Variants in ZNF595 observed in about 807,000 individuals in gnomAD.
ZNF595 encodes the protein zinc finger protein 595.
Under a neutral mutation model 19.4 loss-of-function variants are expected in ZNF595, and 9 were observed. The ratio of observed to expected loss-of-function variants is 0.46; its 90% CI spans 0.28 to 0.81. The LOEUF (loss-of-function observed/expected upper bound fraction) is 0.81, where lower values mean the gene tolerates loss of function less well. Ranked by LOEUF, ZNF595 falls within the 30% of genes least tolerant of loss-of-function variation. The pLI is 0.11. For missense variants in ZNF595, 729 were observed against 736.0 expected, an observed-to-expected ratio of 0.99 and a Z score of 0.11; for synonymous variants, 255 against 255.9, an observed-to-expected ratio of 1.00 and a Z score of 0.03.
chr4:84,127 T>C (rs1714038195), intron 3 of ZNF595, among the ~76,000 whole-genome samples: 1 of 152,318 alleles, frequency 6.6e-6, no homozygotes, highest in South Asian at 2.1e-4. Context: ...ACTTTGTTAT[T>C]AATGTCACTA....
chr4:80,911 CT>C (rs1713882321), intron 3 of ZNF595, among the ~76,000 whole-genome samples: 1 of 152,136 alleles, frequency 6.6e-6, no homozygotes, highest in Admixed American at 6.6e-5. Flanking sequence ...TTTGCTGCAC[CT>C]ATCAACCCAT....
chr4:74,151 TA>T (rs200784387), intron 3 of ZNF595, among the ~76,000 whole-genome samples: 6 of 151,404 alleles, frequency 4.0e-5, no homozygotes, highest in Non-Finnish European at 8.8e-5. Context: ...CTACCAAAAA[TA>T]AAAAAAAATT....
At chr4:79,378 C>G (rs868942731) in intron 3 of ZNF595, among the ~76,000 whole-genome samples, 1 of 152,130 alleles carries the variant, frequency 6.6e-6, no homozygotes, top group African/African-American at 2.4e-5. Flanking sequence ...CAGGAATTGT[C>G]TTTTGTAAAT....
intron 3 of ZNF595, among the ~76,000 whole-genome samples, chr4:81,177 GC>G (rs1713893033): frequency 6.6e-6 from 1 of 152,264 alleles, no homozygotes; most frequent in South Asian, 2.1e-4. Flanking sequence ...CTTTTTTATG[GC>G]TGCAAGAGCA....
chr4:80,799 G>C (rs2108760280), intron 3 of ZNF595, among the ~76,000 whole-genome samples: 1 of 152,238 alleles, frequency 6.6e-6, no homozygotes, highest in South Asian at 2.1e-4. Flanking sequence ...CCATCTGGAT[G>C]TACACGTGCA....
chr4:66,396 T>G (rs1713109860), intron 3 of ZNF595, among the ~76,000 whole-genome samples: 3 of 151,782 alleles, frequency 2.0e-5, no homozygotes, highest in Admixed American at 6.6e-5. Context: ...TTTTGGCTTT[T>G]CTGCTGCTTA....
chr4:81,868 T>C (rs1553799984), intron 3 of ZNF595, among the ~76,000 whole-genome samples: 1 of 152,228 alleles, frequency 6.6e-6, no homozygotes, highest in African/African-American at 2.4e-5. Flanking sequence ...TTTTTGCTTT[T>C]TACAAGGTGG....
At chr4:76,323 T>G (rs1713658306) in intron 3 of ZNF595, among the ~76,000 whole-genome samples, 1 of 152,172 alleles carries the variant, frequency 6.6e-6, no homozygotes, top group Non-Finnish European at 1.5e-5. Context: ...AACTTATGTG[T>G]GTAGAAAAAT....
intron 3 of ZNF595, among the ~76,000 whole-genome samples, chr4:66,183 T>G (rs1713092574): frequency 6.6e-6 from 1 of 151,040 alleles, no homozygotes; most frequent in African/African-American, 2.4e-5. Context: ...ATTTTTTGTT[T>G]GCTTGATATT....
rs1560095040 is a variant in ZNF595 at position 86,366 on chromosome 4, G to T, written c.862G>T (p.Glu288Ter). 1 of 1,613,482 alleles carries T rather than the reference G, an allele frequency of 6.2e-7. No individual in the cohort carries two copies. Among genetic ancestry groups the T allele is most frequent in the East Asian group, 2.2e-5 (1 of 44,816 alleles). Residue 288 changes from glutamate to a stop codon, truncating the protein, a stop_gained, in exon 4 of 4, where the codon GAA (glutamate) becomes TAA (stop). Transcript: ENST00000610261. LOFTEE classifies it high-confidence loss of function. ...TGGAGAGAAACCCTACAAATGTAAA[G>T]AATGTGGCAAAGCCTTTAGATGGTC... ...HTGEKPYKCK[E>*]CGKAFRWSTS...
At chr4:85,234 A>G (rs1050697419) in intron 3 of ZNF595, among the ~76,000 whole-genome samples, 2 of 152,170 alleles carry the variant, frequency 1.3e-5, no homozygotes, top group Admixed American at 1.3e-4. Context: ...CTCCTGAAAC[A>G]TTTACGTTTG....
chr4:64,580 G>C (rs1408246605), intron 3 of ZNF595, among the ~76,000 whole-genome samples: 19 of 151,072 alleles, frequency 1.3e-4, no homozygotes, highest in African/African-American at 4.7e-4. Flanking sequence ...GTGTCACAAG[G>C]GTGCTGCTAG....
At chr4:79,058 G>C (rs1435188680) in intron 3 of ZNF595, among the ~76,000 whole-genome samples, 2 of 152,152 alleles carry the variant, frequency 1.3e-5, no homozygotes, top group Non-Finnish European at 2.9e-5. Flanking sequence ...TGGATCTCTA[G>C]ATTAATTTTA....
chr4:81,229 C>G lies in ZNF595; in HGVS notation c.227-4502C>G, dbSNP rs13435789. On this transcript the variant is annotated intron_variant, in intron 3 of 3. Coordinates refer to ENST00000610261, the MANE Select transcript of ZNF595 (RefSeq NM_182524.4). ...TTTCATTTTACATTATAATTGTGTA[C>G]TACAATATTTCACTGTGTACACTAA... Among the ~76,000 whole-genome samples, 1,458 of 152,256 alleles carry G rather than the reference C, an allele frequency of 9.6e-3. 25 individuals are homozygous for G. Among genetic ancestry groups the G allele is most frequent in the African/African-American group, 0.033 (1,379 of 41,540 alleles).
At chr4:79,317 C>T (rs1713806840) in intron 3 of ZNF595, among the ~76,000 whole-genome samples, 1 of 152,150 alleles carries the variant, frequency 6.6e-6, no homozygotes, top group South Asian at 2.1e-4. Context: ...ATGTATATGT[C>T]ACATTTTTAA....
chr4:77,224 C>T (rs1184861656), intron 3 of ZNF595, among the ~76,000 whole-genome samples: 1 of 150,216 alleles, frequency 6.7e-6, no homozygotes, highest in African/African-American at 2.4e-5. Context: ...TTAAAGCTTT[C>T]TCTAAAATTT....
chr4:72,203 G>A (rs1463800961), intron 3 of ZNF595, among the ~76,000 whole-genome samples: 2 of 152,040 alleles, frequency 1.3e-5, no homozygotes, highest in African/African-American at 4.8e-5. Flanking sequence ...GCATACAAAT[G>A]TGAATTTTAA....
chr4:83,358 G>T (rs556531356), intron 3 of ZNF595, among the ~76,000 whole-genome samples: 2 of 151,928 alleles, frequency 1.3e-5, no homozygotes, highest in African/African-American at 2.4e-5. Flanking sequence ...AGTGGCTCAC[G>T]CCTGTAATCC....
At chr4:65,451 C>T (rs1376974951) in intron 3 of ZNF595, among the ~76,000 whole-genome samples, 1 of 140,838 alleles carries the variant, frequency 7.1e-6, no homozygotes, top group Non-Finnish European at 1.6e-5. Flanking sequence ...TCATTTGATG[C>T]TAAAGAATAT....
Sources: allele counts gnomAD v4.1 joint callset (sites outside exome capture counted in the v4.1 genomes callset), GRCh38; gene constraint gnomAD v4.1.1; transcripts MANE v1.5; gene names NCBI Gene and HGNC (gene_info 2026-07-23, HGNC 2026-07-21).